Variants in IP6K2 observed in about 807,000 individuals in gnomAD.
The protein encoded by IP6K2 is ATP:1D-myo-inositol-hexakisphosphate phosphotransferase.
A neutral mutation model predicts 43.3 loss-of-function variants in IP6K2; 9 were observed. That is an observed-to-expected ratio of 0.21 (90% confidence interval 0.13 to 0.36). The LOEUF is 0.36. IP6K2 is among the 10% of genes least tolerant of loss of function. The pLI is 1.00. For synonymous variants in IP6K2, 209 were observed against 202.4 expected, an observed-to-expected ratio of 1.03 and a Z score of -0.28; for missense variants, 332 against 538.4, an observed-to-expected ratio of 0.62 and a Z score of 3.79.
chr3:48,693,349 T>C (rs759053361), intron 2 of IP6K2, 170 bp from the exon 3 acceptor site: 2 of 1,112,066 alleles, frequency 1.8e-6, no homozygotes, highest in Admixed American at 3.4e-5. Flanking sequence ...CTAGAAAAGA[T>C]GACACCATAC....
intron 1 of IP6K2, among the ~76,000 whole-genome samples, chr3:48,701,034 T>G (rs1236802185): frequency 6.6e-6 from 1 of 152,194 alleles, no homozygotes; most frequent in Non-Finnish European, 1.5e-5. Flanking sequence ...CATATACTTA[T>G]TATATACATA....
intron 1 of IP6K2, among the ~76,000 whole-genome samples, chr3:48,711,190 C>T (rs2080474907): frequency 6.6e-6 from 1 of 152,166 alleles, no homozygotes; most frequent in Admixed American, 6.5e-5. Flanking sequence ...GGATTACGGG[C>T]ATGAACCACT....
chr3:48,688,853 T>TGGTGGGGG lies in IP6K2; in HGVS notation c.781-81_781-80insCCCCCACC. On this transcript the variant is annotated intron_variant, in intron 5 of 5. Coordinates refer to ENST00000328631, the MANE Select transcript of IP6K2 (RefSeq NM_016291.4). This position sits in a 1 kb window ranked among gnomAD's most constrained non-coding sequence, Gnocchi z 5.1. Reference sequence around the variant, plus strand: ...CCCGGGCGGGGGTGGGGTGGTGTGGTGGTGGCGGCATGTGACAGCCCAGAT... The same window carrying TGGTGGGGG: ...CCCGGGCGGGGGTGGGGTGGTGTGGTGGTGGGGGGGTGGCGGCATGTGACAGCCCAGAT... 6.8e-7 allele frequency: 1 copy of TGGTGGGGG among 1,469,842 alleles called. No homozygotes were observed. The highest frequency in any genetic ancestry group is 9.2e-7 in the Non-Finnish European group (1 of 1,092,200). 91.0% of individuals were successfully genotyped at this position (1,469,842 alleles called of 1,614,324 possible).
In IP6K2 at chr3:48,689,684, G is replaced by A. The variant is rs1290709535; in HGVS notation, c.634C>T (p.Arg212Cys). 18 of 1,613,788 alleles carry A rather than the reference G, an allele frequency of 1.1e-5. No individual in the cohort carries two copies. Among genetic ancestry groups the A allele is most frequent in the Non-Finnish European group, 4.2e-6 (5 of 1,179,918 alleles). The change falls in exon 5 of 6, where the codon CGC (arginine) becomes TGC (cysteine). Residue 212 changes from arginine to cysteine, a missense_variant. Coordinates refer to ENST00000328631, the MANE Select transcript of IP6K2 (RefSeq NM_016291.4). ...TCAAGGACACAAGGCACCTCGTAGCGGGAAGTCAGGTTTTCCAGTAAGATA... is the reference window on the plus strand; with the variant it reads ...TCAAGGACACAAGGCACCTCGTAGCAGGAAGTCAGGTTTTCCAGTAAGATA... ...KFILLENLTS[R>C]YEVPCVLDLK...
chr3:48,688,871 GC>G lies in IP6K2; in HGVS notation c.781-99del. On this transcript the variant is annotated intron_variant, in intron 5 of 5. Coordinates refer to ENST00000328631, the MANE Select transcript of IP6K2 (RefSeq NM_016291.4). This position sits in a 1 kb window ranked among gnomAD's most constrained non-coding sequence, Gnocchi z 5.1. ...GGTGTGGTGGTGGCGGCATGTGACA[GC>G]CCAGATCAGATAAAGTACACCAGTT... 2 of 1,285,968 alleles carry G rather than the reference GC, an allele frequency of 1.6e-6. No individual in the cohort carries two copies. The highest frequency in any genetic ancestry group is 2.1e-6 in the Non-Finnish European group (2 of 933,840). 79.7% of individuals were successfully genotyped at this position (1,285,968 alleles called of 1,614,324 possible). A position where few individuals can be genotyped will look rare whatever the true frequency, so the allele number is the denominator to read the frequency against.
At chr3:48,707,935 C>A (rs1035586908) in intron 1 of IP6K2, among the ~76,000 whole-genome samples, 1 of 152,196 alleles carries the variant, frequency 6.6e-6, no homozygotes, top group Non-Finnish European at 1.5e-5. Flanking sequence ...GCTGCCCTAT[C>A]TCTCTGCCTC....
At chr3:48,692,885 G>A in intron 3 of IP6K2, 69 bp downstream of exon 3, 2 of 1,145,246 alleles carry the variant, frequency 1.7e-6, no homozygotes, top group East Asian at 4.7e-5. Context: ...CCAGGGAACT[G>A]GGCTGTAACC....
At chr3:48,699,213 C>G (rs2078751528) in intron 1 of IP6K2, 1 of 152,066 alleles carries the variant, frequency 6.6e-6, no homozygotes, top group Non-Finnish European at 1.5e-5. Context: ...GAGTTCGAGA[C>G]CAGCCTGACC....
At chr3:48,717,097 G>A (rs2081276886) in intron 1 of IP6K2, 60 bp downstream of exon 1, 1 of 154,822 alleles carries the variant, frequency 6.5e-6, no homozygotes, top group Admixed American at 6.5e-5. Context: ...TTTCCCAGTA[G>A]CCTGAAAAAA....
chr3:48,695,490 C>G lies in IP6K2; in HGVS notation c.-130-69G>C. 1 of 1,304,826 alleles carries G rather than the reference C, an allele frequency of 7.7e-7. No homozygotes were observed. The highest frequency in any genetic ancestry group is 9.8e-7 in the Non-Finnish European group (1 of 1,024,566). The allele number at this position is 1,304,826 out of a possible 1,614,324, so 80.8% of individuals were successfully genotyped here. On this transcript the variant is annotated intron_variant, in intron 1 of 5. Transcript: ENST00000328631. This position sits in a 1 kb window ranked among gnomAD's most constrained non-coding sequence, Gnocchi z 4.6. ...GGGAAGTGCCTTAGAGCTGCTCACC[C>G]TGCTCCTTCAGCAGAAAGACAAAGA...
intron 1 of IP6K2, among the ~76,000 whole-genome samples, chr3:48,696,645 C>T (rs1286766373): frequency 6.6e-6 from 1 of 152,212 alleles, no homozygotes; most frequent in Non-Finnish European, 1.5e-5. Flanking sequence ...ATTAGACAGT[C>T]TCTACTAGCA....
chr3:48,705,135 C>T (rs1032273749), intron 1 of IP6K2, among the ~76,000 whole-genome samples: 84 of 151,716 alleles, frequency 5.5e-4, no homozygotes, highest in Non-Finnish European at 2.9e-4. Context: ...AGTAGAGATG[C>T]GGTTTCACCG....
At chr3:48,716,645 A>G (rs995624194) in intron 1 of IP6K2, among the ~76,000 whole-genome samples, 4 of 152,142 alleles carry the variant, frequency 2.6e-5, no homozygotes, top group Admixed American at 6.6e-5. Flanking sequence ...TGACGGGCCC[A>G]AATGGCATTC....
At chr3:48,715,704 C>T (rs1240170639) in intron 1 of IP6K2, among the ~76,000 whole-genome samples, 1 of 150,214 alleles carries the variant, frequency 6.7e-6, no homozygotes, top group Non-Finnish European at 1.5e-5. Flanking sequence ...TCATTTCTTT[C>T]TCTCTCTCTC....
intron 1 of IP6K2, among the ~76,000 whole-genome samples, chr3:48,703,262 A>C (rs1325148852): frequency 6.6e-6 from 1 of 152,228 alleles, no homozygotes; most frequent in African/African-American, 2.4e-5. Context: ...CTAGTTAATG[A>C]AGAATAAACT....
intron 1 of IP6K2, among the ~76,000 whole-genome samples, chr3:48,713,805 T>A (rs868193459): frequency 4.1e-4 from 48 of 117,444 alleles, no homozygotes; most frequent in Middle Eastern, 7.1e-3. Context: ...AAAAAAAAAA[T>A]AGTAATACAA....
chr3:48,708,739 G>C (rs964345244), intron 1 of IP6K2, among the ~76,000 whole-genome samples: 1 of 152,068 alleles, frequency 6.6e-6, no homozygotes, highest in Non-Finnish European at 1.5e-5. Flanking sequence ...AGGGATTTTT[G>C]CAATCCTTGA....
intron 1 of IP6K2, among the ~76,000 whole-genome samples, chr3:48,712,969 C>T (rs1464758712): frequency 2.0e-5 from 3 of 152,000 alleles, no homozygotes; most frequent in African/African-American, 4.8e-5. Context: ...GCCGAGATCG[C>T]GCCACTGCAC....
intron 2 of IP6K2, 142 bp downstream of exon 2, chr3:48,694,945 CAGG>C (rs1236254937): frequency 1.5e-5 from 24 of 1,568,120 alleles, no homozygotes; most frequent in East Asian, 4.7e-5. Context: ...GGCTGAGGGC[CAGG>C]AGGAGGAGAA....
Sources: gnomAD v4.1 joint callset for allele counts (sites outside exome capture counted in the v4.1 genomes callset) on GRCh38, gnomAD v4.1.1 for gene constraint, Gnocchi (gnomAD v3.1) non-coding constraint, MANE v1.5 for transcripts, NCBI Gene and HGNC (gene_info 2026-07-23, HGNC 2026-07-21) for gene names.